Variants in ZC3HAV1 observed in about 807,000 individuals in gnomAD.
ZC3HAV1 encodes the protein zinc finger CCCH-type antiviral protein 1.
ZC3HAV1 carries 41 observed loss-of-function variants against 86.6 expected under a neutral mutation model. The observed-to-expected ratio is 0.47, with a 90% CI of 0.37 to 0.61. ZC3HAV1 has a LOEUF of 0.61. Among genes scored for constraint, ZC3HAV1 ranks in the 20% least tolerant of loss-of-function variants. The pLI, the probability that ZC3HAV1 is intolerant of heterozygous loss-of-function variation, is 0.00. For synonymous variants in ZC3HAV1, 421 were observed against 432.1 expected (o/e 0.97, Z 0.32); for missense variants, 964 against 1,141.1 (o/e 0.84, Z 2.24).
chr7:139,079,147 G>A lies in ZC3HAV1; in HGVS notation c.1471+323C>T, dbSNP rs1161152857. On this transcript the variant is annotated intron_variant, in intron 4 of 12. Transcript: ENST00000242351. Reference sequence around the variant, plus strand: ...TCTTCCTTGTGAGCTCGCTGGCAGAGGAAACAGGAACCTGGGTGCAGTTCT... The same window carrying A: ...TCTTCCTTGTGAGCTCGCTGGCAGAAGAAACAGGAACCTGGGTGCAGTTCT... 1.0e-5 allele frequency: 16 copies of A among 1,536,050 alleles called. No homozygotes were observed. The Admixed American group carries it at 3.1e-4, about 30-fold the overall frequency.
At chr7:139,061,873 C>G (rs1816452783) in intron 8 of ZC3HAV1, among the ~76,000 whole-genome samples, 1 of 152,244 alleles carries the variant, frequency 6.6e-6, no homozygotes, top group Non-Finnish European at 1.5e-5. Flanking sequence ...TAACTTATTA[C>G]TTATTCCTCA....
chr7:139,086,986 C>G (rs935859732), intron 2 of ZC3HAV1, among the ~76,000 whole-genome samples: 2 of 152,196 alleles, frequency 1.3e-5, no homozygotes, highest in African/African-American at 4.8e-5. Context: ...TGGACTAATA[C>G]AGGAAGACTG....
intron 8 of ZC3HAV1, among the ~76,000 whole-genome samples, chr7:139,063,191 A>G (rs911395687): frequency 3.9e-5 from 6 of 152,068 alleles, no homozygotes; most frequent in African/African-American, 7.2e-5. Flanking sequence ...AACAAAGTCT[A>G]TTGGCTCTCA....
At chr7:139,101,491 C>T (rs1283111122) in intron 1 of ZC3HAV1, among the ~76,000 whole-genome samples, 5 of 103,800 alleles carry the variant, frequency 4.8e-5, no homozygotes, top group African/African-American at 7.6e-5. Flanking sequence ...TCAGCCCGGC[C>T]ACCACCCCGT....
Position 139,047,752 on chromosome 7 carries a change from T to C in ZC3HAV1, c.2551A>G (p.Thr851Ala). The C allele has an allele frequency of 1.9e-6, 3 of 1,614,144 alleles. No homozygotes were observed. The highest frequency in any genetic ancestry group is 2.5e-6 in the Non-Finnish European group (3 of 1,180,022). Reference sequence around the variant, plus strand: ...CTCGTGTACGTTATATTTCCTTCAGTAAACTTTCCAACCAGAACTTGGGCT... The same window carrying C: ...CTCGTGTACGTTATATTTCCTTCAGCAAACTTTCCAACCAGAACTTGGGCT... The part of the protein sequence containing the change: ...FVAQVLVGKF[T>A]EGNITYTSPP... The change falls in exon 13 of 13, where the codon ACT becomes GCT. Residue 851 changes from threonine to alanine, a missense_variant. Coordinates refer to ENST00000242351, the MANE Select transcript of ZC3HAV1 (RefSeq NM_020119.4).
intron 1 of ZC3HAV1, among the ~76,000 whole-genome samples, chr7:139,098,395 A>G (rs977035490): frequency 6.6e-6 from 1 of 152,238 alleles, no homozygotes; most frequent in African/African-American, 2.4e-5. Flanking sequence ...TTAGGAGTAC[A>G]TGCTCAAAAC....
At chr7:139,052,693 T>G (rs1584835785) in intron 12 of ZC3HAV1, among the ~76,000 whole-genome samples, 3 of 145,062 alleles carry the variant, frequency 2.1e-5, no homozygotes, top group Non-Finnish European at 4.5e-5. Context: ...CAGGCCAAGG[T>G]AGGCGGATTA....
Position 139,047,459 on chromosome 7 carries a change from A to C in ZC3HAV1, c.*135T>G. 1 of 1,287,532 alleles carries C rather than the reference A, an allele frequency of 7.8e-7. No homozygotes were observed. The highest frequency in any genetic ancestry group is 1.5e-5 in the African/African-American group (1 of 66,152). 79.8% of individuals were successfully genotyped at this position (1,287,532 alleles called of 1,614,324 possible). A position where few individuals can be genotyped will look rare whatever the true frequency, so the allele number is the denominator to read the frequency against. ...CCAGATGATTCTAATATGTAGCAAA[A>C]TTTGGGGACCACTGATCTAAGACAT... On this transcript the variant is annotated 3_prime_UTR_variant, in exon 13 of 13. Coordinates refer to ENST00000242351, the MANE Select transcript of ZC3HAV1 (RefSeq NM_020119.4).
In ZC3HAV1 at chr7:139,076,243, T is replaced by C. The variant is rs765038105; in HGVS notation, c.1697+43A>G. 1.4e-5 allele frequency: 22 copies of C among 1,613,256 alleles called. No homozygotes were observed. The Admixed American group carries it at 2.2e-4, about 16-fold the overall frequency. ...GCCTAGCACTAATGCTTCCCTTTGA[T>C]AATGTTGGACTCTTGAAAGCCAGAG... On this transcript the variant is annotated intron_variant, in intron 6 of 12. Transcript: ENST00000242351.
rs944031995 is a variant in ZC3HAV1 at position 139,070,151 on chromosome 7, A to T, written c.1872+3705T>A. On this transcript the variant is annotated intron_variant, in intron 7 of 12. Transcript: ENST00000242351. Reference sequence around the variant, plus strand: ...TTCAATTTATATAATGATGGGTCTTATTAGTATGAGACAGTAAGAGTTCAT... The same window carrying T: ...TTCAATTTATATAATGATGGGTCTTTTTAGTATGAGACAGTAAGAGTTCAT... 2.6e-5 allele frequency among the ~76,000 whole-genome samples: 4 copies of T among 152,032 alleles called. No homozygotes were observed. In the East Asian group the frequency reaches 7.7e-4, roughly 29 times the overall value.
intron 4 of ZC3HAV1, chr7:139,079,177 T>C: frequency 6.5e-7 from 1 of 1,536,206 alleles, no homozygotes; most frequent in South Asian, 1.2e-5. Context: ...AGTTCTGCCC[T>C]TGGGCCCCCC....
At chr7:139,091,270 C>T (rs985436863) in intron 1 of ZC3HAV1, among the ~76,000 whole-genome samples, 6 of 152,144 alleles carry the variant, frequency 3.9e-5, no homozygotes, top group African/African-American at 1.4e-4. Context: ...GAGGCCGAGG[C>T]GGGCGGATCA....
chr7:139,063,138 CCAAA>C (rs1260030136), intron 8 of ZC3HAV1, among the ~76,000 whole-genome samples: 1 of 151,100 alleles, frequency 6.6e-6, no homozygotes, highest in Non-Finnish European at 1.5e-5. Flanking sequence ...TTTCTATGAA[CCAAA>C]CAAACAGAAG....
intron 9 of ZC3HAV1, among the ~76,000 whole-genome samples, chr7:139,057,370 A>AG (rs60882211): frequency 0.61 from 92,183 of 151,198 alleles, 28,190 homozygotes; most frequent in East Asian, 0.7. Flanking sequence ...GAAAAAAAAA[A>AG]TTTAGAGGTG....
chr7:139,078,804 C>T, intron 4 of ZC3HAV1, 151 bp from the exon 5 acceptor site: 1 of 704,018 alleles, frequency 1.4e-6, no homozygotes, highest in Non-Finnish European at 2.3e-6. Context: ...AGCATCTAGA[C>T]AGCCCCTCCA....
chr7:139,067,552 C>G (rs1451916931), intron 7 of ZC3HAV1, among the ~76,000 whole-genome samples: 2 of 152,042 alleles, frequency 1.3e-5, no homozygotes, highest in Non-Finnish European at 2.9e-5. Context: ...AATGGAGACT[C>G]AGAAGGATAG....
chr7:139,047,751 G>A lies in ZC3HAV1; in HGVS notation c.2552C>T (p.Thr851Ile), dbSNP rs3735007. 0.51 allele frequency: 821,021 copies of A among 1,612,984 alleles called. 212,893 individuals are homozygous for A. The highest frequency in any genetic ancestry group is 0.7 in the African/African-American group (52,746 of 74,934). Reference protein sequence around the residue: ...FVAQVLVGKFTEGNITYTSPP... With the variant: ...FVAQVLVGKFIEGNITYTSPP... ...GCTCGTGTACGTTATATTTCCTTCA[G>A]TAAACTTTCCAACCAGAACTTGGGC... The change falls in exon 13 of 13, where the codon ACT (threonine) becomes ATT (isoleucine). Residue 851 changes from threonine to isoleucine, a missense_variant. Coordinates refer to ENST00000242351, the MANE Select transcript of ZC3HAV1 (RefSeq NM_020119.4).
chr7:139,080,229 G>T lies in ZC3HAV1; in HGVS notation c.712C>A (p.Arg238Ser). The T allele has an allele frequency of 6.2e-7, 1 of 1,613,974 alleles. No homozygotes were observed. The highest frequency in any genetic ancestry group is 8.5e-7 in the Non-Finnish European group (1 of 1,180,034). ...PPGPRAPSSH[R>S]RNMAYRARSK... ...CTAGCCCTATATGCCATGTTTCTACGATGTGAAGAAGGAGCTAAGGGGAAA... is the reference window on the plus strand; with the variant it reads ...CTAGCCCTATATGCCATGTTTCTACTATGTGAAGAAGGAGCTAAGGGGAAA... Residue 238 changes from arginine (R) to serine (S), a missense_variant, in exon 4 of 13, where the codon CGT (arginine) becomes AGT (serine). Transcript: ENST00000242351.
At position 139,045,119 on chromosome 7, in the gene ZC3HAV1, A is replaced by G. The variant is rs1305682077; in HGVS notation, c.*2475T>C. 6.6e-6 allele frequency: 1 copy of G among 152,154 alleles called. No homozygotes were observed. The highest frequency in any genetic ancestry group is 1.5e-5 in the Non-Finnish European group (1 of 68,032). 9.4% of individuals were successfully genotyped at this position (152,154 alleles called of 1,614,324 possible). On this transcript the variant is annotated 3_prime_UTR_variant, in exon 13 of 13. Transcript: ENST00000242351. The stretch of plus-strand genomic sequence containing the variant: ...TTTATTTCCTCTTTATGTTCATATT[A>G]GTTTTATTTAATTTTTAATTTATTT...
Sources: gnomAD v4.1 joint callset for allele counts (sites outside exome capture counted in the v4.1 genomes callset) on GRCh38, gnomAD v4.1.1 for gene constraint, MANE v1.5 for transcripts, NCBI Gene and HGNC (gene_info 2026-07-23, HGNC 2026-07-21) for gene names.